CDH8: variants seen among roughly 807,000 people sequenced by gnomAD.
CDH8 encodes the protein cadherin 8.
In CDH8, 17 loss-of-function variants were observed where a neutral mutation model predicts 68.1. The observed-to-expected ratio is 0.25, with a 90% confidence interval of 0.17 to 0.37. The LOEUF is 0.37. CDH8 is among the 10% of genes least tolerant of loss of function. CDH8 has a pLI of 1.00. For synonymous variants in CDH8, 372 were observed against 365.1 expected, an observed-to-expected ratio of 1.02 and a Z score of -0.21; for missense variants, 763 against 999.3, an observed-to-expected ratio of 0.76 and a Z score of 3.19.
chr16:61,733,510 A>C (rs1959593188), intron 8 of CDH8, among the ~76,000 whole-genome samples: 1 of 152,044 alleles, frequency 6.6e-6, no homozygotes, highest in South Asian at 2.1e-4. Context: ...AATTAAAAAT[A>C]TTTGTGTTTT....
intron 2 of CDH8, among the ~76,000 whole-genome samples, chr16:62,019,903 A>T (rs1902030703): frequency 6.6e-6 from 1 of 152,220 alleles, no homozygotes; most frequent in Non-Finnish European, 1.5e-5. Flanking sequence ...TGGCCAAAAC[A>T]TAAGTTCCTT....
At chr16:61,986,318 A>AT (rs1170505288) in intron 2 of CDH8, among the ~76,000 whole-genome samples, 4 of 152,188 alleles carry the variant, frequency 2.6e-5, no homozygotes, top group South Asian at 2.1e-4. Context: ...TAGTAGACTC[A>AT]AGGGTAGGTT....
At chr16:61,905,352 CAAAT>C (rs1366568839) in intron 2 of CDH8, among the ~76,000 whole-genome samples, 5 of 151,840 alleles carry the variant, frequency 3.3e-5, no homozygotes, top group Admixed American at 6.6e-5. Context: ...GAGACAGAAA[CAAAT>C]AAACAGAAAA....
At chr16:61,660,582 T>G (rs1477439191) in intron 10 of CDH8, among the ~76,000 whole-genome samples, 7 of 151,778 alleles carry the variant, frequency 4.6e-5, no homozygotes, top group East Asian at 1.9e-4. Context: ...AGTCTATACA[T>G]CCAGAAAGCT....
intron 8 of CDH8, among the ~76,000 whole-genome samples, chr16:61,756,230 A>C (rs1305894417): frequency 6.6e-6 from 1 of 152,046 alleles, no homozygotes; most frequent in African/African-American, 2.4e-5. Context: ...TTTCTTGTAC[A>C]TTTTCTGTCA....
At chr16:61,715,842 A>T (rs573297723) in intron 9 of CDH8, among the ~76,000 whole-genome samples, 1 of 151,836 alleles carries the variant, frequency 6.6e-6, no homozygotes, top group African/African-American at 2.4e-5. Context: ...AAGTAAAAAT[A>T]TTTAACAGAA....
chr16:62,017,088 C>T (rs1468638050), intron 2 of CDH8, among the ~76,000 whole-genome samples: 16 of 152,124 alleles, frequency 1.1e-4, no homozygotes. Context: ...ATACATTCTT[C>T]CATTATGTAG....
chr16:61,908,110 C>T (rs1366013624), intron 2 of CDH8, among the ~76,000 whole-genome samples: 2 of 151,108 alleles, frequency 1.3e-5, no homozygotes, highest in African/African-American at 4.9e-5. Flanking sequence ...ATATTGATCC[C>T]AATTTTTCAT....
chr16:61,741,128 A>C (rs1430577006), intron 8 of CDH8, among the ~76,000 whole-genome samples: 1 of 152,098 alleles, frequency 6.6e-6, no homozygotes, highest in Non-Finnish European at 1.5e-5. Flanking sequence ...GGTATATCTC[A>C]ATTTGCAATG....
At chr16:61,824,726 T>C (rs1448519610) in intron 5 of CDH8, among the ~76,000 whole-genome samples, 1 of 151,898 alleles carries the variant, frequency 6.6e-6, no homozygotes, top group African/African-American at 2.4e-5. Context: ...TCTCAAGCTT[T>C]CATAAAGAGA....
chr16:61,871,815 C>A (rs1307823434), intron 3 of CDH8, among the ~76,000 whole-genome samples: 13 of 43,348 alleles, frequency 3.0e-4, no homozygotes, highest in Admixed American at 8.7e-4. Context: ...GTTCTATATG[C>A]AAAAAAAAAA....
At chr16:61,658,852 T>A (rs1225344509) in intron 10 of CDH8, among the ~76,000 whole-genome samples, 2 of 152,166 alleles carry the variant, frequency 1.3e-5, no homozygotes, top group Admixed American at 1.3e-4. Flanking sequence ...GTTTTCTATA[T>A]TAAGAGAGTT....
intron 3 of CDH8, among the ~76,000 whole-genome samples, chr16:61,875,318 T>C (rs1567510012): frequency 6.6e-6 from 1 of 152,248 alleles, no homozygotes; most frequent in East Asian, 1.9e-4. Context: ...AGCATTACAA[T>C]GACCCACTAA....
intron 11 of CDH8, 71 bp from the exon 12 acceptor site, chr16:61,654,172 T>C (rs1009141082): frequency 2.4e-5 from 34 of 1,411,546 alleles, no homozygotes; most frequent in Non-Finnish European, 3.2e-5. Context: ...ACTATATATG[T>C]TAGGAGAGAG....
chr16:61,894,727 G>A (rs998058654), intron 3 of CDH8, among the ~76,000 whole-genome samples: 1 of 152,096 alleles, frequency 6.6e-6, no homozygotes, highest in African/African-American at 2.4e-5. Flanking sequence ...GAGAAAGACT[G>A]AAATTATTTA....
chr16:61,862,072 C>T (rs562010238), intron 3 of CDH8, among the ~76,000 whole-genome samples: 4 of 151,850 alleles, frequency 2.6e-5, no homozygotes, highest in South Asian at 2.1e-4. Flanking sequence ...TATATCCACA[C>T]GCTTAGAAAG....
At chr16:61,946,364 G>A (rs1178087583) in intron 2 of CDH8, among the ~76,000 whole-genome samples, 2 of 152,182 alleles carry the variant, frequency 1.3e-5, no homozygotes, top group Non-Finnish European at 2.9e-5. Flanking sequence ...TCAAGAAACA[G>A]TGGAACTCAC....
chr16:61,861,461 T>C (rs1383550565), intron 3 of CDH8, among the ~76,000 whole-genome samples: 1 of 152,190 alleles, frequency 6.6e-6, no homozygotes, highest in Non-Finnish European at 1.5e-5. Flanking sequence ...TCTGTTGATC[T>C]TATCTTATTA....
intron 8 of CDH8, among the ~76,000 whole-genome samples, chr16:61,774,554 T>C (rs1960860072): frequency 6.6e-6 from 1 of 151,768 alleles, no homozygotes; most frequent in Middle Eastern, 3.2e-3. Context: ...GTCTAGGGTA[T>C]ATTTAAAAAA....
Sources: allele counts gnomAD v4.1 joint callset (sites outside exome capture counted in the v4.1 genomes callset), GRCh38; gene constraint gnomAD v4.1.1; transcripts MANE v1.5; gene names NCBI Gene and HGNC (gene_info 2026-07-23, HGNC 2026-07-21).